Variants in ADCY2 observed in about 807,000 individuals in gnomAD.
ADCY2 encodes adenylate cyclase 2.
ADCY2 carries 31 observed loss-of-function variants against 125.2 expected under a neutral mutation model. The observed-to-expected ratio is 0.25, with a 90% CI of 0.19 to 0.33. ADCY2 has a LOEUF of 0.33. Ranked by LOEUF, ADCY2 falls within the 10% of genes least tolerant of loss-of-function variation. The pLI is 1.00. For synonymous variants in ADCY2, 512 were observed against 548.4 expected, an observed-to-expected ratio of 0.93 and a Z score of 0.93; for missense variants, 904 against 1,418.2, an observed-to-expected ratio of 0.64 and a Z score of 5.82.
At chr5:7,724,416 T>C in intron 12 of ADCY2, 129 bp from the exon 13 acceptor site, 1 of 705,382 alleles carries the variant, frequency 1.4e-6, no homozygotes. Flanking sequence ...GTGTTTTTTT[T>C]TTTTTTTTTA....
chr5:7,696,190 C>G (rs947484777), intron 6 of ADCY2, among the ~76,000 whole-genome samples: 1 of 152,170 alleles, frequency 6.6e-6, no homozygotes, highest in Non-Finnish European at 1.5e-5. Context: ...TTAAGGTGCT[C>G]TTTTAGGCAT....
chr5:7,579,434 CAGAGAG>C (rs148732365), intron 3 of ADCY2, among the ~76,000 whole-genome samples: 4 of 149,904 alleles, frequency 2.7e-5, no homozygotes, highest in Non-Finnish European at 5.9e-5. Flanking sequence ...TCCACAGAGA[CAGAGAG>C]AGAGAGAGAG....
intron 3 of ADCY2, among the ~76,000 whole-genome samples, chr5:7,578,649 T>C (rs1736329415): frequency 6.6e-6 from 1 of 152,184 alleles, no homozygotes; most frequent in African/African-American, 2.4e-5. Flanking sequence ...TTTAGGAGCT[T>C]ACTTTTACCT....
intron 4 of ADCY2, among the ~76,000 whole-genome samples, chr5:7,627,547 C>T (rs1738176363): frequency 6.6e-6 from 1 of 152,200 alleles, no homozygotes; most frequent in Non-Finnish European, 1.5e-5. Context: ...CTGTGCTCCC[C>T]CTCCCTGTGG....
At chr5:7,521,374 T>A (rs1744440260) in intron 3 of ADCY2, among the ~76,000 whole-genome samples, 1 of 152,188 alleles carries the variant, frequency 6.6e-6, no homozygotes, top group South Asian at 2.1e-4. Flanking sequence ...AAAAAGTAAT[T>A]CTTTAAAATG....
intron 1 of ADCY2, among the ~76,000 whole-genome samples, chr5:7,410,661 A>G (rs1469985902): frequency 6.6e-6 from 1 of 152,194 alleles, no homozygotes; most frequent in East Asian, 1.9e-4. Context: ...GCCATTTTTA[A>G]AAAGACATTT....
chr5:7,562,232 A>G (rs1033679332), intron 3 of ADCY2, among the ~76,000 whole-genome samples: 2 of 152,020 alleles, frequency 1.3e-5, no homozygotes, highest in Non-Finnish European at 2.9e-5. Flanking sequence ...ATAGATGAAC[A>G]TGTCTGTGAA....
At chr5:7,586,522 A>G (rs1307077057) in intron 3 of ADCY2, among the ~76,000 whole-genome samples, 1 of 152,168 alleles carries the variant, frequency 6.6e-6, no homozygotes, top group Non-Finnish European at 1.5e-5. Context: ...TGTGAGGGAA[A>G]GGAACTATGC....
intron 4 of ADCY2, among the ~76,000 whole-genome samples, chr5:7,634,512 A>T (rs1738427028): frequency 6.6e-6 from 1 of 152,178 alleles, no homozygotes; most frequent in African/African-American, 2.4e-5. Flanking sequence ...CCAAAGACTA[A>T]CGTTGTCATA....
chr5:7,410,267 TAGAA>T (rs1312981273), intron 1 of ADCY2, among the ~76,000 whole-genome samples: 1 of 151,526 alleles, frequency 6.6e-6, no homozygotes, highest in East Asian at 1.9e-4. Flanking sequence ...TTTAATTAAA[TAGAA>T]AGGCAGTATT....
At chr5:7,589,760 C>G (rs1736788398) in intron 3 of ADCY2, among the ~76,000 whole-genome samples, 1 of 152,096 alleles carries the variant, frequency 6.6e-6, no homozygotes, top group Non-Finnish European at 1.5e-5. Flanking sequence ...CAGAGATGGG[C>G]TGTTGGGGGT....
intron 4 of ADCY2, among the ~76,000 whole-genome samples, chr5:7,665,988 G>A (rs1163234248): frequency 4.7e-5 from 7 of 149,740 alleles, no homozygotes; most frequent in East Asian, 4.0e-4. Context: ...ACAGGCACCC[G>A]CCACTATGCC....
chr5:7,592,918 A>G (rs1736896218), intron 3 of ADCY2, among the ~76,000 whole-genome samples: 1 of 152,328 alleles, frequency 6.6e-6, no homozygotes, highest in Non-Finnish European at 1.5e-5. Context: ...GACAAAACTT[A>G]AGGAAAAAGA....
chr5:7,749,436 C>T (rs1338539896), intron 15 of ADCY2, among the ~76,000 whole-genome samples: 1 of 152,034 alleles, frequency 6.6e-6, no homozygotes, highest in Non-Finnish European at 1.5e-5. Flanking sequence ...TCCATTTTAT[C>T]TAGGCAGAAG....
chr5:7,397,445 G>GGT, intron 1 of ADCY2, among the ~76,000 whole-genome samples: 1 of 70,098 alleles, frequency 1.4e-5, no homozygotes, highest in Non-Finnish European at 2.7e-5. Flanking sequence ...CCACCAGTGA[G>GGT]TTTTTTTTTT....
chr5:7,749,951 G>A (rs939894493), intron 15 of ADCY2, among the ~76,000 whole-genome samples: 1 of 152,082 alleles, frequency 6.6e-6, no homozygotes, highest in Non-Finnish European at 1.5e-5. Context: ...TTTTTGGTTA[G>A]TATTTGCCTG....
intron 4 of ADCY2, among the ~76,000 whole-genome samples, chr5:7,664,445 C>T (rs1739643950): frequency 6.6e-6 from 1 of 152,176 alleles, no homozygotes; most frequent in Admixed American, 6.5e-5. Flanking sequence ...TGCTGGGGAG[C>T]ACTGGCTTGA....
At chr5:7,635,284 G>A (rs566862428) in intron 4 of ADCY2, among the ~76,000 whole-genome samples, 2 of 152,276 alleles carry the variant, frequency 1.3e-5, no homozygotes, top group African/African-American at 4.8e-5. Flanking sequence ...ATGAGTGTTA[G>A]TAGGTGACTC....
intron 7 of ADCY2, among the ~76,000 whole-genome samples, chr5:7,699,009 G>A (rs941059075): frequency 2.1e-5 from 3 of 144,690 alleles, no homozygotes; most frequent in Middle Eastern, 3.7e-3. Context: ...CACCAACAGC[G>A]TAAAAGCGCT....
Sources: gnomAD v4.1 joint callset for allele counts (sites outside exome capture counted in the v4.1 genomes callset) on GRCh38, gnomAD v4.1.1 for gene constraint, MANE v1.5 for transcripts, NCBI Gene and HGNC (gene_info 2026-07-23, HGNC 2026-07-21) for gene names.